Variants in PSMD11 observed in about 807,000 individuals in gnomAD.
PSMD11 encodes the protein proteasome 26S subunit, non-ATPase 11.
A neutral mutation model predicts 62.3 loss-of-function variants in PSMD11; 5 were observed. The ratio of observed to expected loss-of-function variants is 0.08; its 90% CI spans 0.04 to 0.17. The LOEUF is 0.17. PSMD11 is among the 10% of genes least tolerant of loss of function. PSMD11 has a pLI of 1.00. For synonymous variants in PSMD11, 191 were observed against 191.8 expected (o/e 1.00, Z 0.03); for missense variants, 310 against 512.9 (o/e 0.60, Z 3.82).
chr17:32,465,081 C>T (rs1194454972), intron 5 of PSMD11, among the ~76,000 whole-genome samples: 1 of 150,748 alleles, frequency 6.6e-6, no homozygotes, highest in Non-Finnish European at 1.5e-5. Flanking sequence ...GAAATCTTCT[C>T]TGCTTTTTTT....
intron 2 of PSMD11, among the ~76,000 whole-genome samples, chr17:32,449,511 C>G (rs189497301): frequency 9.1e-4 from 139 of 152,248 alleles, no homozygotes; most frequent in African/African-American, 3.3e-3. Context: ...TAATTTTCAT[C>G]CAAAAATGTT....
rs143543056 is a variant in PSMD11 at position 32,479,265 on chromosome 17, C to T, written c.927C>T (p.Tyr309=). 1.2e-6 allele frequency: 2 copies of T among 1,613,916 alleles called. No homozygotes were observed. The highest frequency in any genetic ancestry group is 1.1e-5 in the South Asian group (1 of 91,074). Residue 309 remains tyrosine, a synonymous_variant, in exon 10 of 14, where the codon TAC becomes TAT. Transcript: ENST00000261712. The part of the protein sequence containing the change: ...LADFEKALTD[Y]RAELRDDPII... ...TCCTTTGGCAGGCTCTGACAGATTA[C>T]CGGGCAGAGCTCCGGGATGACCCAA...
intron 1 of PSMD11, 67 bp downstream of exon 1, chr17:32,444,681 C>T (rs1907271181): frequency 1.3e-6 from 2 of 1,580,582 alleles, no homozygotes; most frequent in Middle Eastern, 1.7e-4. Context: ...TCGGCGGCAG[C>T]GGAGAGGGGC....
chr17:32,447,254 T>G (rs1256204190), intron 2 of PSMD11: 1 of 487,748 alleles, frequency 2.1e-6, no homozygotes, highest in African/African-American at 2.0e-5. Context: ...GAGACAATCT[T>G]ATTTTTGTTG....
chr17:32,459,870 G>T (rs777314589), intron 3 of PSMD11, among the ~76,000 whole-genome samples: 1 of 151,414 alleles, frequency 6.6e-6, no homozygotes, highest in African/African-American at 2.4e-5. Flanking sequence ...CAGGTGATCC[G>T]CCTGTCTTGG....
intron 5 of PSMD11, among the ~76,000 whole-genome samples, chr17:32,466,418 T>C (rs1597837905): frequency 6.6e-6 from 1 of 152,248 alleles, no homozygotes; most frequent in East Asian, 1.9e-4. Context: ...AATGAAATGA[T>C]ACAATATTTG....
chr17:32,480,805 C>T lies in PSMD11; in HGVS notation c.*53C>T. 4.5e-6 allele frequency: 3 copies of T among 659,962 alleles called. No individual in the cohort carries two copies. Among genetic ancestry groups the T allele is most frequent in the Non-Finnish European group, 7.1e-6 (3 of 423,412 alleles). The allele number at this position is 659,962 out of a possible 1,614,324, so 40.9% of individuals were successfully genotyped here. On this transcript the variant is annotated 3_prime_UTR_variant, in exon 14 of 14. Transcript: ENST00000261712. ...AGTGTGTGTGGCGGGAGAGTGAAAC[C>T]TTGGGGGAAAATGCTAGGAGATTCT...
intron 3 of PSMD11, among the ~76,000 whole-genome samples, chr17:32,456,873 G>T (rs1454495350): frequency 1.3e-5 from 2 of 151,830 alleles, no homozygotes; most frequent in Non-Finnish European, 2.9e-5. Flanking sequence ...CACCATGTTG[G>T]TCAGGCTGGT....
At chr17:32,457,949 C>T (rs988214764) in intron 3 of PSMD11, among the ~76,000 whole-genome samples, 2 of 151,940 alleles carry the variant, frequency 1.3e-5, no homozygotes, top group Admixed American at 6.6e-5. Context: ...TACAGGTGCC[C>T]GCCACTGCAC....
chr17:32,449,488 G>A (rs1907428409), intron 2 of PSMD11, among the ~76,000 whole-genome samples: 1 of 152,148 alleles, frequency 6.6e-6, no homozygotes, highest in South Asian at 2.1e-4. Flanking sequence ...GTGGTATATA[G>A]TCAATACTTA....
intron 3 of PSMD11, among the ~76,000 whole-genome samples, chr17:32,459,799 G>A (rs938537657): frequency 1.3e-5 from 2 of 152,088 alleles, no homozygotes; most frequent in Non-Finnish European, 2.9e-5. Flanking sequence ...CTGAGTAGCT[G>A]GGATTATAGT....
At chr17:32,468,084 G>A (rs1251560089) in intron 5 of PSMD11, among the ~76,000 whole-genome samples, 1 of 152,130 alleles carries the variant, frequency 6.6e-6, no homozygotes, top group Non-Finnish European at 1.5e-5. Flanking sequence ...AGTTTGCTAA[G>A]GATAATAGCC....
intron 3 of PSMD11, among the ~76,000 whole-genome samples, chr17:32,455,728 G>C (rs1055364624): frequency 3.3e-5 from 5 of 152,150 alleles, no homozygotes; most frequent in African/African-American, 1.2e-4. Flanking sequence ...AAAACTGTTT[G>C]ATGATAGTAT....
chr17:32,459,012 T>C (rs1186422446), intron 3 of PSMD11, among the ~76,000 whole-genome samples: 2 of 150,664 alleles, frequency 1.3e-5, no homozygotes, highest in African/African-American at 2.4e-5. Context: ...CAAGAATCAC[T>C]TGAATCCAGG....
intron 2 of PSMD11, among the ~76,000 whole-genome samples, chr17:32,448,627 C>T (rs1345051769): frequency 2.0e-5 from 3 of 152,118 alleles, no homozygotes; most frequent in African/African-American, 7.2e-5. Context: ...CCTGCCTTGG[C>T]CTCCCAAAAT....
rs776878424 is a variant in PSMD11 at position 32,474,828 on chromosome 17, G to C, written c.849+4G>C. 4.3e-6 allele frequency: 7 copies of C among 1,612,932 alleles called. No homozygotes were observed. Among genetic ancestry groups the C allele is most frequent in the Non-Finnish European group, 5.9e-6 (7 of 1,178,960 alleles). ...ACTTCGGTATGCAGGGAGGCAGGTA[G>C]GGACTCCCTTGACTGCAGTTCTGCT... On this transcript the variant is annotated splice_donor_region_variant and intron_variant, in intron 8 of 13. Coordinates refer to ENST00000261712, the MANE Select transcript of PSMD11 (RefSeq NM_002815.4).
At chr17:32,473,600 A>T (rs1436679795) in intron 6 of PSMD11, among the ~76,000 whole-genome samples, 1 of 149,224 alleles carries the variant, frequency 6.7e-6, no homozygotes, top group Non-Finnish European at 1.5e-5. Flanking sequence ...TTTTTTCAAG[A>T]GATGGGGTCT....
At chr17:32,465,566 A>G (rs900563590) in intron 5 of PSMD11, among the ~76,000 whole-genome samples, 5 of 152,248 alleles carry the variant, frequency 3.3e-5, no homozygotes, top group African/African-American at 1.2e-4. Flanking sequence ...AGCATTTAAA[A>G]AATAACTTTA....
chr17:32,461,753 A>G (rs1907853114), intron 3 of PSMD11, among the ~76,000 whole-genome samples: 2 of 152,230 alleles, frequency 1.3e-5, no homozygotes, highest in African/African-American at 4.8e-5. Flanking sequence ...CAGCAGATAT[A>G]TGTGATAGTC....
Sources: allele counts gnomAD v4.1 joint callset (sites outside exome capture counted in the v4.1 genomes callset), GRCh38; gene constraint gnomAD v4.1.1; transcripts MANE v1.5; gene names NCBI Gene and HGNC (gene_info 2026-07-23, HGNC 2026-07-21).